DNAH11: variants seen among roughly 807,000 people sequenced by gnomAD.
DNAH11 encodes the protein dynein axonemal heavy chain 11.
A neutral mutation model predicts 526.0 loss-of-function variants in DNAH11; 442 were observed. The observed-to-expected ratio is 0.84, with a 90% CI of 0.78 to 0.91. The LOEUF is 0.91. DNAH11 is among the 40% of genes least tolerant of loss of function. The pLI, the probability that DNAH11 is intolerant of heterozygous loss-of-function variation, is 0.00. For missense variants in DNAH11, 6,989 were observed against 5,448.7 expected (o/e 1.28, Z -8.90); for synonymous variants, 2,461 against 1,935.9 (o/e 1.27, Z -7.12).
In DNAH11 at chr7:21,616,204, T is replaced by G. The variant is rs1245967871; in HGVS notation, c.4012-5T>G. 6.2e-7 allele frequency: 1 copy of G among 1,613,076 alleles called. No individual in the cohort carries two copies. The highest frequency in any genetic ancestry group is 2.2e-5 in the East Asian group (1 of 44,856). The stretch of plus-strand genomic sequence containing the variant: ...TGACACTTTTATCTGCTTTTGCGTT[T>G]TCAGAGAAGCATTGATAATTGGACT... On this transcript the variant is annotated splice_polypyrimidine_tract_variant and splice_region_variant and intron_variant, in intron 21 of 81. Transcript: ENST00000409508.
chr7:21,822,054 A>G (rs1249054981), intron 65 of DNAH11, among the ~76,000 whole-genome samples: 1 of 152,086 alleles, frequency 6.6e-6, no homozygotes, highest in Admixed American at 6.6e-5. Context: ...CTTTTTATGG[A>G]TGAATAGTAT....
At chr7:21,729,830 T>G (rs2108279) in intron 45 of DNAH11, among the ~76,000 whole-genome samples, 98,986 of 152,076 alleles carry the variant, frequency 0.65, 32,659 homozygotes, top group South Asian at 0.73. Context: ...ATTCTATCCT[T>G]TTGTCTTACC....
intron 62 of DNAH11, 68 bp from the exon 63 acceptor site, chr7:21,807,815 G>C (rs766776247): frequency 1.3e-6 from 2 of 1,481,996 alleles, no homozygotes; most frequent in Admixed American, 1.8e-5. Flanking sequence ...TAAGGTAATT[G>C]CATTAAGCAT....
At chr7:21,775,933 C>A (rs186096541) in intron 56 of DNAH11, among the ~76,000 whole-genome samples, 94 of 152,254 alleles carry the variant, frequency 6.2e-4, no homozygotes, top group Middle Eastern at 3.4e-3. Context: ...GTGGGGGCAT[C>A]CTTAGCAAAG....
At chr7:21,670,376 C>A (rs1782597019) in intron 30 of DNAH11, among the ~76,000 whole-genome samples, 1 of 151,818 alleles carries the variant, frequency 6.6e-6, no homozygotes. Flanking sequence ...AAATATTCAC[C>A]TTTTATCTTG....
chr7:21,565,666 A>G (rs1783637817), intron 6 of DNAH11, among the ~76,000 whole-genome samples: 1 of 152,180 alleles, frequency 6.6e-6, no homozygotes, highest in South Asian at 2.1e-4. Context: ...CACTTAAGGG[A>G]AGTTCAATTA....
chr7:21,650,968 A>C (rs948436510), intron 28 of DNAH11, among the ~76,000 whole-genome samples: 202 of 152,042 alleles, frequency 1.3e-3, no homozygotes, highest in Non-Finnish European at 2.4e-3. Context: ...AAAAAAAAAA[A>C]ACACATGCAA....
chr7:21,565,594 A>T lies in DNAH11; in HGVS notation c.1194+1197A>T, dbSNP rs115315556. The stretch of plus-strand genomic sequence containing the variant: ...CTCTTCCCTCTCTGATTCTGAAAAG[A>T]TAGAGTGGTGTGTGGGAAAGGCTTT... On this transcript the variant is annotated intron_variant, in intron 6 of 81. Transcript: ENST00000409508. Among the ~76,000 whole-genome samples, 1,083 of 152,240 alleles carry T rather than the reference A, an allele frequency of 7.1e-3. 12 individuals carry two copies. Among genetic ancestry groups the T allele is most frequent in the African/African-American group, 0.024 (993 of 41,526 alleles).
intron 46 of DNAH11, among the ~76,000 whole-genome samples, chr7:21,737,925 G>A (rs191742153): frequency 4.6e-5 from 7 of 152,104 alleles, no homozygotes; most frequent in East Asian, 1.9e-4. Flanking sequence ...TCTTGGAAAA[G>A]GTGTTTATTT....
At chr7:21,553,459 A>T (rs1334356734) in intron 2 of DNAH11, among the ~76,000 whole-genome samples, 1 of 151,900 alleles carries the variant, frequency 6.6e-6, no homozygotes, top group Non-Finnish European at 1.5e-5. Flanking sequence ...CTTAGGGAGG[A>T]GGGATCCACA....
At chr7:21,814,577 C>G (rs1789690152) in intron 63 of DNAH11, among the ~76,000 whole-genome samples, 1 of 142,132 alleles carries the variant, frequency 7.0e-6, no homozygotes, top group Non-Finnish European at 1.5e-5. Flanking sequence ...CATGTGATCT[C>G]CTTGTTCAAT....
At chr7:21,713,397 T>C (rs1232124445) in intron 42 of DNAH11, among the ~76,000 whole-genome samples, 2 of 152,138 alleles carry the variant, frequency 1.3e-5, no homozygotes, top group Non-Finnish European at 2.9e-5. Context: ...TCAGGCTGTT[T>C]ATTCTCCTTC....
chr7:21,900,875 A>G, intron 81 of DNAH11, 132 bp from the exon 82 acceptor site: 1 of 1,431,928 alleles, frequency 7.0e-7, no homozygotes, highest in Non-Finnish European at 9.3e-7. Context: ...CCAGCTCAGT[A>G]AAAATACCAC....
intron 35 of DNAH11, among the ~76,000 whole-genome samples, chr7:21,696,825 T>C (rs1483890590): frequency 6.6e-6 from 1 of 152,118 alleles, no homozygotes; most frequent in Non-Finnish European, 1.5e-5. Context: ...CATAGTGTTG[T>C]GGGGATTAAG....
intron 18 of DNAH11, among the ~76,000 whole-genome samples, chr7:21,603,027 C>G (rs1053313249): frequency 1.3e-5 from 2 of 152,128 alleles, no homozygotes; most frequent in Admixed American, 1.3e-4. Flanking sequence ...CTGTCTCTCC[C>G]CATTATCCTC....
intron 25 of DNAH11, among the ~76,000 whole-genome samples, chr7:21,628,716 T>C (rs1424017967): frequency 6.6e-6 from 1 of 152,132 alleles, no homozygotes; most frequent in Non-Finnish European, 1.5e-5. Flanking sequence ...AATTGTGGCA[T>C]CTATGTTTAT....
At chr7:21,604,528 G>C (rs1276756528) in intron 18 of DNAH11, among the ~76,000 whole-genome samples, 1 of 152,054 alleles carries the variant, frequency 6.6e-6, no homozygotes, top group Non-Finnish European at 1.5e-5. Context: ...TCCTGTATTG[G>C]TCGTCATACC....
intron 63 of DNAH11, among the ~76,000 whole-genome samples, chr7:21,814,404 G>A (rs1789680237): frequency 6.9e-6 from 1 of 145,444 alleles, no homozygotes; most frequent in South Asian, 2.2e-4. Context: ...TAGGGTACAT[G>A]TGCACATTGT....
At chr7:21,816,876 A>G (rs1789820054) in intron 64 of DNAH11, among the ~76,000 whole-genome samples, 174 bp downstream of exon 64, 1 of 152,192 alleles carries the variant, frequency 6.6e-6, no homozygotes, top group African/African-American at 2.4e-5. Context: ...TTGAAAAGGC[A>G]TTCTTGTTGG....
Sources: gnomAD v4.1 joint callset for allele counts (sites outside exome capture counted in the v4.1 genomes callset) on GRCh38, gnomAD v4.1.1 for gene constraint, MANE v1.5 for transcripts, NCBI Gene and HGNC (gene_info 2026-07-23, HGNC 2026-07-21) for gene names.